The following DDIAS variants were observed in gnomAD, a reference collection of about 807,000 sequenced individuals.
The protein encoded by DDIAS is DNA damage-induced apoptosis suppressor protein.
A neutral mutation model predicts 15.7 loss-of-function variants in DDIAS; 14 were observed. The ratio of observed to expected loss-of-function variants is 0.89; its 90% CI spans 0.59 to 1.39. The LOEUF (loss-of-function observed/expected upper bound fraction) is 1.39, where lower values mean the gene tolerates loss of function less well. DDIAS is among the 40% of genes most tolerant of loss of function. The probability of loss-of-function intolerance (pLI) is 0.00; values close to 1 mark genes in which losing one functional copy is unlikely to be tolerated. For synonymous variants in DDIAS, 355 were observed against 395.9 expected (o/e 0.90, Z 1.23); for missense variants, 1,035 against 1,130.9 (o/e 0.92, Z 1.22).
At chr11:82,930,007 G>C in intron 4 of DDIAS, 150 bp from the exon 5 acceptor site, 1 of 547,990 alleles carries the variant, frequency 1.8e-6, no homozygotes, top group Non-Finnish European at 3.2e-6. Flanking sequence ...TGAGAAACTA[G>C]AGAGAACAAA....
At chr11:82,911,999 G>A (rs1402697043) in intron 1 of DDIAS, among the ~76,000 whole-genome samples, 1 of 152,140 alleles carries the variant, frequency 6.6e-6, no homozygotes, top group Non-Finnish European at 1.5e-5. Context: ...TCTCAACAGT[G>A]GGCTTAAAAT....
Position 82,932,592 on chromosome 11 carries a change from C to T in DDIAS, c.1254C>T (p.Phe418=), listed in dbSNP as rs766283413. ...CTCAAATTTGGGATGATCTGCCATT[C>T]TCTGAAAGCCTGAACAAGTTTCTGG... ...GDPQIWDDLP[F]SESLNKFLAV... The change falls in exon 6 of 6, where the codon TTC becomes TTT. Residue 418 remains phenylalanine, a synonymous_variant. Transcript: ENST00000533655. 3.7e-6 allele frequency: 6 copies of T among 1,614,016 alleles called. No homozygotes were observed. The highest frequency in any genetic ancestry group is 3.3e-5 in the Admixed American group (2 of 60,006).
intron 3 of DDIAS, among the ~76,000 whole-genome samples, chr11:82,927,346 G>C (rs980240011): frequency 6.6e-6 from 1 of 152,154 alleles, no homozygotes; most frequent in Non-Finnish European, 1.5e-5. Flanking sequence ...ACAAACTCTA[G>C]CAGATTTGTA....
intron 3 of DDIAS, among the ~76,000 whole-genome samples, chr11:82,925,968 A>G (rs1453423107): frequency 6.8e-6 from 1 of 147,490 alleles, no homozygotes; most frequent in Non-Finnish European, 1.5e-5. Flanking sequence ...AGCCTGGCCA[A>G]TAGCGAGACA....
At position 82,925,044 on chromosome 11, in the gene DDIAS, A is replaced by G. The variant is rs117493154; in HGVS notation, c.114-3733A>G. ...TCCCAGAGGCTACATAACACGTACT[A>G]TCACAACAGATTGAGCAGAGAAGCA... On this transcript the variant is annotated intron_variant, in intron 3 of 5. Transcript: ENST00000533655. Among the ~76,000 whole-genome samples, 1,000 of 152,324 alleles carry G rather than the reference A, an allele frequency of 6.6e-3. 13 individuals carry two copies. In the East Asian group the frequency reaches 0.071, roughly 11 times the overall value.
intron 3 of DDIAS, among the ~76,000 whole-genome samples, chr11:82,919,971 C>T (rs1449470370): frequency 1.3e-5 from 2 of 152,218 alleles, no homozygotes; most frequent in Admixed American, 6.5e-5. Context: ...GATCCGCCCA[C>T]CTCAGCCTCC....
Position 82,932,883 on chromosome 11 carries a change from C to CT in DDIAS, c.1545_1546insT (p.Lys516Ter), listed in dbSNP as rs1861029227. 2.5e-6 allele frequency: 4 copies of CT among 1,613,162 alleles called. No homozygotes were observed. The East Asian group carries it at 8.9e-5, about 36-fold the overall frequency. Reference sequence around the variant, plus strand: ...TTGAAAAGGAGTCACAACCAGATAACAAAGTAGAGGCTGTCTCTGTAAATC... The same window carrying CT: ...TTGAAAAGGAGTCACAACCAGATAACTAAAGTAGAGGCTGTCTCTGTAAATC... On this transcript the variant is annotated frameshift_variant, in exon 6 of 6. Transcript: ENST00000533655. LOFTEE classifies it low-confidence loss of function (END_TRUNC).
intron 2 of DDIAS, 81 bp downstream of exon 2, chr11:82,913,467 ACTC>A: frequency 4.0e-6 from 1 of 247,358 alleles, no homozygotes; most frequent in Non-Finnish European, 8.0e-6. Flanking sequence ...CTGGTCTTGA[ACTC>A]CTGGGCTCAA....
intron 3 of DDIAS, among the ~76,000 whole-genome samples, chr11:82,920,831 G>T (rs995289799): frequency 1.3e-5 from 2 of 152,148 alleles, no homozygotes; most frequent in Non-Finnish European, 2.9e-5. Context: ...ATGTGCTGTT[G>T]AATAGAATGT....
At chr11:82,928,164 T>C (rs1860902865) in intron 3 of DDIAS, among the ~76,000 whole-genome samples, 1 of 149,756 alleles carries the variant, frequency 6.7e-6, no homozygotes, top group African/African-American at 2.4e-5. Flanking sequence ...ATTTTGAGAT[T>C]ATTTTTTGTC....
intron 3 of DDIAS, among the ~76,000 whole-genome samples, chr11:82,924,887 A>AT (rs1046407925): frequency 6.6e-6 from 1 of 152,196 alleles, no homozygotes; most frequent in African/African-American, 2.4e-5. Flanking sequence ...ATCAAACAAA[A>AT]AAGATAGCAA....
chr11:82,904,168 T>C (rs114814207), intron 1 of DDIAS, among the ~76,000 whole-genome samples: 7 of 152,340 alleles, frequency 4.6e-5, no homozygotes, highest in Non-Finnish European at 7.4e-5. Flanking sequence ...AACTTTAAGA[T>C]AGGATTCACA....
At chr11:82,910,610 T>C (rs1467339798) in intron 1 of DDIAS, among the ~76,000 whole-genome samples, 55 of 35,668 alleles carry the variant, frequency 1.5e-3, no homozygotes, top group African/African-American at 7.6e-3. Context: ...CTCTCTCTTT[T>C]TTTTTTTTTT....
intron 3 of DDIAS, among the ~76,000 whole-genome samples, chr11:82,917,826 G>T (rs989666685): frequency 2.6e-5 from 4 of 152,090 alleles, no homozygotes; most frequent in Non-Finnish European, 4.4e-5. Flanking sequence ...TTGATTTTTT[G>T]ATTATGGCCA....
intron 3 of DDIAS, among the ~76,000 whole-genome samples, chr11:82,915,383 G>GT (rs1565245225): frequency 6.6e-6 from 1 of 152,180 alleles, no homozygotes; most frequent in Non-Finnish European, 1.5e-5. Flanking sequence ...GAAACGAGAG[G>GT]TTAGGTTTGA....
chr11:82,919,405 G>C (rs1423018666), intron 3 of DDIAS, among the ~76,000 whole-genome samples: 1 of 152,124 alleles, frequency 6.6e-6, no homozygotes, highest in Non-Finnish European at 1.5e-5. Flanking sequence ...CACACTTATT[G>C]ACTTATGTAT....
At chr11:82,923,809 C>T (rs1340119183) in intron 3 of DDIAS, among the ~76,000 whole-genome samples, 1 of 152,016 alleles carries the variant, frequency 6.6e-6, no homozygotes, top group Non-Finnish European at 1.5e-5. Flanking sequence ...CATAGACATA[C>T]ATCTATAAAA....
rs767375633 is a variant in DDIAS at position 82,933,901 on chromosome 11, G to A, written c.2563G>A (p.Glu855Lys). The A allele has an allele frequency of 1.9e-6, 3 of 1,613,868 alleles. No homozygotes were observed. The South Asian group carries it at 3.3e-5, about 18-fold the overall frequency. ...PDVFNHYPFA[E>K]CHETDSDEWV... ...CGTTTTCAATCACTACCCTTTTGCT[G>A]AGTGCCATGAAACTGATAGTGATGA... is the stretch of plus-strand genomic sequence containing the variant. Residue 855 changes from glutamate (E) to lysine (K), a missense_variant, in exon 6 of 6, where the codon GAG becomes AAG. Glu to Lys is a moderately conservative substitution (Grantham distance 56, BLOSUM62 1). Transcript: ENST00000533655.
At chr11:82,929,370 C>A (rs1388678118) in intron 4 of DDIAS, among the ~76,000 whole-genome samples, 1 of 152,042 alleles carries the variant, frequency 6.6e-6, no homozygotes, top group African/African-American at 2.4e-5. Context: ...ATAGTTTGAC[C>A]TTTTACGACA....
Sources: allele counts gnomAD v4.1 joint callset (sites outside exome capture counted in the v4.1 genomes callset), GRCh38; gene constraint gnomAD v4.1.1; transcripts MANE v1.5; gene names NCBI Gene and HGNC (gene_info 2026-07-23, HGNC 2026-07-21).